The following KAT6B variants were observed in gnomAD, a reference collection of about 807,000 sequenced individuals.
KAT6B encodes lysine acetyltransferase 6B.
Under a neutral mutation model 187.5 loss-of-function variants are expected in KAT6B, and 10 were observed. That is an observed-to-expected ratio of 0.05 (90% CI 0.03 to 0.09). KAT6B has a LOEUF of 0.09. KAT6B is among the 10% of genes least tolerant of loss of function. The probability of loss-of-function intolerance (pLI) is 1.00; values close to 1 mark genes in which losing one functional copy is unlikely to be tolerated. For synonymous variants in KAT6B, 861 were observed against 926.8 expected, an observed-to-expected ratio of 0.93 and a Z score of 1.29; for missense variants, 1,952 against 2,558.9, an observed-to-expected ratio of 0.76 and a Z score of 5.12.
intron 13 of KAT6B, among the ~76,000 whole-genome samples, chr10:74,996,049 G>GAGA (rs1843413112): frequency 2.0e-5 from 3 of 151,856 alleles, no homozygotes; most frequent in Admixed American, 6.6e-5. Context: ...AGATGGTGGT[G>GAGA]AGGGAGGTGG....
chr10:74,943,658 T>C (rs1849866468), intron 3 of KAT6B, among the ~76,000 whole-genome samples: 1 of 152,042 alleles, frequency 6.6e-6, no homozygotes, highest in African/African-American at 2.4e-5. Context: ...CTAAAAATGG[T>C]GTATAGACAT....
In KAT6B at chr10:74,843,402, A is replaced by G. The variant is rs781106648; in HGVS notation, c.545A>G (p.Lys182Arg). Residue 182 changes from lysine to arginine, a missense_variant, in exon 3 of 18, where the codon AAA becomes AGA. Transcript: ENST00000287239. ...YRVNYGSLDG[K>R]GAPQYPSAFP... ...GTCAATTATGGGAGCTTAGATGGCA[A>G]AGGGGCACCTCAGTATCCCAGTGCA... 6.2e-7 allele frequency: 1 copy of G among 1,613,916 alleles called. No individual in the cohort carries two copies. The highest frequency in any genetic ancestry group is 8.5e-7 in the Non-Finnish European group (1 of 1,179,944).
At chr10:74,884,640 C>G (rs1011652108) in intron 3 of KAT6B, among the ~76,000 whole-genome samples, 1 of 151,718 alleles carries the variant, frequency 6.6e-6, no homozygotes, top group African/African-American at 2.4e-5. Flanking sequence ...GTGATCTGGG[C>G]TCACTGCAAC....
chr10:74,865,662 T>C (rs1196521115), intron 3 of KAT6B, among the ~76,000 whole-genome samples: 1 of 152,016 alleles, frequency 6.6e-6, no homozygotes, highest in Non-Finnish European at 1.5e-5. Context: ...ATTACAGGCG[T>C]GCACCACCAC....
intron 1 of KAT6B, among the ~76,000 whole-genome samples, chr10:74,830,762 A>T (rs1427977904): frequency 7.4e-5 from 2 of 27,188 alleles, no homozygotes; most frequent in Non-Finnish European, 5.5e-5. Flanking sequence ...ATATATATAT[A>T]TATATATTTT....
At chr10:74,879,260 C>G (rs1844673085) in intron 3 of KAT6B, among the ~76,000 whole-genome samples, 1 of 152,158 alleles carries the variant, frequency 6.6e-6, no homozygotes, top group Non-Finnish European at 1.5e-5. Context: ...CCTGGGTCGC[C>G]TGGGACCAAG....
At chr10:74,981,741 C>T in intron 10 of KAT6B, 46 bp from the exon 11 acceptor site, 2 of 1,288,118 alleles carry the variant, frequency 1.6e-6, no homozygotes, top group Non-Finnish European at 2.3e-6. Flanking sequence ...TTCCCCCCAA[C>T]AGTATAATCT....
chr10:74,902,989 C>A (rs761467789), intron 3 of KAT6B, among the ~76,000 whole-genome samples: 48 of 152,280 alleles, frequency 3.2e-4, no homozygotes, highest in Middle Eastern at 6.8e-3. Context: ...AAAATACATT[C>A]ATAAGGTTCC....
chr10:74,909,317 G>A (rs1847024500), intron 3 of KAT6B, among the ~76,000 whole-genome samples: 1 of 152,242 alleles, frequency 6.6e-6, no homozygotes, highest in Non-Finnish European at 1.5e-5. Context: ...GTTGCAGTGA[G>A]CTGAGATCGC....
intron 3 of KAT6B, among the ~76,000 whole-genome samples, chr10:74,896,200 TC>T (rs1251755603): frequency 1.3e-5 from 2 of 152,188 alleles, no homozygotes; most frequent in African/African-American, 4.8e-5. Context: ...TGCTGCTAGA[TC>T]ACCTAGCTTA....
intron 13 of KAT6B, among the ~76,000 whole-genome samples, chr10:75,000,520 C>G (rs963476325): frequency 1.3e-5 from 2 of 152,224 alleles, no homozygotes; most frequent in South Asian, 2.1e-4. Context: ...GGACGTGTAA[C>G]TAACGCTATA....
At chr10:74,972,163 A>G (rs1364335595) in intron 6 of KAT6B, among the ~76,000 whole-genome samples, 1 of 152,086 alleles carries the variant, frequency 6.6e-6, no homozygotes. Flanking sequence ...CCAAAAATGG[A>G]CTGATTTGAA....
At position 74,843,167 on chromosome 10, in the gene KAT6B, A is replaced by T. The variant is rs1841861253; in HGVS notation, c.310A>T (p.Asn104Tyr). 3 of 1,614,196 alleles carry T rather than the reference A, an allele frequency of 1.9e-6. No homozygotes were observed. The highest frequency in any genetic ancestry group is 2.5e-6 in the Non-Finnish European group (3 of 1,180,026). Residue 104 changes from asparagine to tyrosine, a missense_variant, in exon 3 of 18, where the codon AAT (asparagine) becomes TAT (tyrosine). By Grantham distance (143) the Asn-to-Tyr change is moderately radical. Around this residue, in one of 9 missense-constraint regions of KAT6B, gnomAD observed 218 missense variants for 282.6 expected, o/e 0.77. Transcript: ENST00000287239. ...GSRGSCNDLR[N>Y]VDWNKLLRRA... ...TAGAGGATCATGTAATGATCTCCGC[A>T]ATGTGGATTGGAATAAACTTTTAAG...
rs777042592 is a variant in KAT6B, at chr10:75,032,241, CAAAA to C, written c.*1200_*1203del. The C allele has an allele frequency of 4.3e-4, 83 of 191,336 alleles. No homozygotes were observed. The highest frequency in any genetic ancestry group is 8.5e-4 in the Non-Finnish European group (78 of 91,442). The allele number at this position is 191,336 out of a possible 1,614,324, so 11.9% of individuals were successfully genotyped here. A position where few individuals can be genotyped will look rare whatever the true frequency, so the allele number is the denominator to read the frequency against. On this transcript the variant is annotated 3_prime_UTR_variant, in exon 18 of 18. Coordinates refer to ENST00000287239, the MANE Select transcript of KAT6B (RefSeq NM_012330.4). Reference sequence around the variant, plus strand: ...TCACTTCAAAAAAACAAAAAACAAACAAAAAAAAGCTGTACATTTTAACATAAAA... The same window carrying C: ...TCACTTCAAAAAAACAAAAAACAAACAAAAGCTGTACATTTTAACATAAAA...
chr10:74,896,539 CT>C (rs1414311650), intron 3 of KAT6B, among the ~76,000 whole-genome samples: 5 of 152,186 alleles, frequency 3.3e-5, no homozygotes, highest in African/African-American at 1.2e-4. Flanking sequence ...ATCCACCTGC[CT>C]TGGCCTCCCA....
chr10:74,885,268 C>T (rs1256017037), intron 3 of KAT6B, among the ~76,000 whole-genome samples: 4 of 151,946 alleles, frequency 2.6e-5, no homozygotes, highest in Non-Finnish European at 4.4e-5. Flanking sequence ...TATGGGGTCT[C>T]TCTATGTTGC....
intron 11 of KAT6B, chr10:74,984,227 A>G (rs368934910): frequency 6.6e-6 from 1 of 152,248 alleles, no homozygotes; most frequent in Non-Finnish European, 1.5e-5. Context: ...TTTGTGCAAG[A>G]TGAGAACCCG....
intron 1 of KAT6B, among the ~76,000 whole-genome samples, chr10:74,830,025 A>C (rs1366320849): frequency 6.6e-6 from 1 of 151,644 alleles, no homozygotes; most frequent in Non-Finnish European, 1.5e-5. Context: ...TCAAAAAAAA[A>C]AAAACAAAAA....
chr10:74,828,203 G>A (rs1314235189), intron 1 of KAT6B, among the ~76,000 whole-genome samples: 1 of 152,140 alleles, frequency 6.6e-6, no homozygotes, highest in Non-Finnish European at 1.5e-5. Flanking sequence ...CCTGTAATTG[G>A]TAGAAGGTGT....
Sources: gnomAD v4.1 joint callset for allele counts (sites outside exome capture counted in the v4.1 genomes callset) on GRCh38, gnomAD v4.1.1 for gene constraint, gnomAD v4.1.1 regional missense constraint, MANE v1.5 for transcripts, NCBI Gene and HGNC (gene_info 2026-07-23, HGNC 2026-07-21) for gene names.